The following BAIAP2 variants were observed in gnomAD, a reference collection of about 807,000 sequenced individuals.
The protein encoded by BAIAP2 is BAR/IMD domain containing adaptor protein 2.
BAIAP2 carries 18 observed loss-of-function variants against 63.0 expected under a neutral mutation model. The observed-to-expected ratio is 0.29, with a 90% CI of 0.20 to 0.42. The LOEUF (loss-of-function observed/expected upper bound fraction) is 0.42. Among genes scored for constraint, BAIAP2 ranks in the 10% least tolerant of loss-of-function variants. The pLI, the probability that BAIAP2 is intolerant of heterozygous loss-of-function variation, is 1.00. For missense variants in BAIAP2, 610 were observed against 734.3 expected (o/e 0.83, Z 1.96); for synonymous variants, 386 against 307.6 (o/e 1.25, Z -2.67).
At chr17:81,068,246 ACT>A (rs1027713148) in intron 3 of BAIAP2, among the ~76,000 whole-genome samples, 12 of 151,786 alleles carry the variant, frequency 7.9e-5, no homozygotes, top group African/African-American at 2.7e-4. Context: ...TGGCTGAGAA[ACT>A]CTCTCCCAGG....
chr17:81,056,021 G>C (rs1233371498), intron 2 of BAIAP2, among the ~76,000 whole-genome samples: 1 of 152,158 alleles, frequency 6.6e-6, no homozygotes, highest in African/African-American at 2.4e-5. Context: ...GTTGCACCTG[G>C]TTTGCTTCCC....
chr17:81,115,732 T>C (rs777056381), intron 13 of BAIAP2, 38 bp from the exon 14 acceptor site: 5 of 1,612,808 alleles, frequency 3.1e-6, no homozygotes, highest in Middle Eastern at 1.6e-4. Flanking sequence ...ACCCATGGCT[T>C]CCGCCCTAAA....
intron 3 of BAIAP2, among the ~76,000 whole-genome samples, chr17:81,077,735 C>G (rs1248563943): frequency 6.6e-6 from 1 of 152,144 alleles, no homozygotes. Flanking sequence ...CAGGTGCGAG[C>G]CAGACACCGT....
intron 6 of BAIAP2, among the ~76,000 whole-genome samples, chr17:81,089,578 T>TCTCAGGTTGGGGACA (rs11268331): frequency 1.2e-4 from 19 of 152,204 alleles, no homozygotes; most frequent in African/African-American, 4.3e-4. Context: ...AGCACCTGTT[T>TCTCAGGTTGGGGACA]CCCAACGGCT....
At chr17:81,102,946 C>T (rs1011890577) in intron 7 of BAIAP2, among the ~76,000 whole-genome samples, 1 of 152,228 alleles carries the variant, frequency 6.6e-6, no homozygotes, top group African/African-American at 2.4e-5. Context: ...CCTGTGGCTT[C>T]CTCCTCCTTT....
chr17:81,114,715 CTG>C (rs1440395141), intron 13 of BAIAP2, among the ~76,000 whole-genome samples: 2 of 152,208 alleles, frequency 1.3e-5, no homozygotes, highest in Admixed American at 1.3e-4. Flanking sequence ...TGCCTCTGCC[CTG>C]TGCCTCTTCC....
chr17:81,091,024 C>T (rs1274852288), intron 6 of BAIAP2, among the ~76,000 whole-genome samples: 2 of 152,040 alleles, frequency 1.3e-5, no homozygotes, highest in African/African-American at 2.4e-5. Flanking sequence ...TGTGCAGCCC[C>T]GCCCCTCCAG....
intron 3 of BAIAP2, among the ~76,000 whole-genome samples, chr17:81,069,735 T>C (rs1328155138): frequency 7.2e-5 from 11 of 152,180 alleles, no homozygotes; most frequent in Admixed American, 7.2e-4. Context: ...GAGCTCAGTC[T>C]GGCCAGTACG....
rs144541847 is a variant in BAIAP2 at position 81,045,834 on chromosome 17, C to T, written c.55-7834C>T. 2.3e-3 allele frequency among the ~76,000 whole-genome samples: 354 copies of T among 152,272 alleles called. 1 individual carries two copies. Among genetic ancestry groups the T allele is most frequent in the African/African-American group, 8.0e-3 (333 of 41,544 alleles). On this transcript the variant is annotated intron_variant, in intron 1 of 13. Transcript: ENST00000428708. The stretch of plus-strand genomic sequence containing the variant: ...GGAGTCTGGGTCAGCCAGGCCACGC[C>T]GAAGCTGCCCTTGGAGAAGCCTAGT...
intron 2 of BAIAP2, among the ~76,000 whole-genome samples, chr17:81,056,948 T>TGCGTTTTTCTG (rs2049689809): frequency 6.6e-6 from 1 of 152,364 alleles, no homozygotes; most frequent in Admixed American, 6.5e-5. Context: ...TTTCTTTTGT[T>TGCGTTTTTCTG]CGAGGCAGCA....
chr17:81,055,404 G>C (rs2049308384), intron 2 of BAIAP2, among the ~76,000 whole-genome samples: 1 of 151,962 alleles, frequency 6.6e-6, no homozygotes, highest in Non-Finnish European at 1.5e-5. Context: ...CCTCCTGTTT[G>C]CACCCGGCAC....
rs2058835311 is a variant in BAIAP2 at position 81,104,138 on chromosome 17, G to A, written c.1066+30G>A. 1.9e-6 allele frequency: 3 copies of A among 1,610,282 alleles called. No homozygotes were observed. The African/African-American group carries it at 4.0e-5, about 21-fold the overall frequency. ...GGGCTCCGCTGGGGTGTTGGGCTGG[G>A]GTCCCTGGACGTGCCTCCTCAGACC... On this transcript the variant is annotated intron_variant, in intron 9 of 13. Coordinates refer to ENST00000428708, the MANE Select transcript of BAIAP2 (RefSeq NM_001144888.2).
chr17:81,074,468 A>G lies in BAIAP2; in HGVS notation c.218-10364A>G, dbSNP rs187583173. On this transcript the variant is annotated intron_variant, in intron 3 of 13. Transcript: ENST00000428708. ...TACATGTGAGTGCCAGTGTGTGTGC[A>G]TGCACGGATACATGTGAATGCCTGT... Among the ~76,000 whole-genome samples, 543 of 149,224 alleles carry G rather than the reference A, an allele frequency of 3.6e-3. 9 individuals carry two copies. In the South Asian group the frequency reaches 0.041, roughly 11 times the overall value.
At chr17:81,070,783 G>A (rs998449373) in intron 3 of BAIAP2, among the ~76,000 whole-genome samples, 2 of 152,212 alleles carry the variant, frequency 1.3e-5, no homozygotes, top group Non-Finnish European at 2.9e-5. Flanking sequence ...CCGTCTGCCT[G>A]GGACGCTGGG....
chr17:81,114,693 A>C (rs1306792838), intron 13 of BAIAP2, among the ~76,000 whole-genome samples: 2 of 152,216 alleles, frequency 1.3e-5, no homozygotes, highest in Admixed American at 1.3e-4. Flanking sequence ...TCCTCAGGAA[A>C]GCTTAGGGAG....
intron 13 of BAIAP2, among the ~76,000 whole-genome samples, chr17:81,113,237 G>A (rs972118848): frequency 6.6e-6 from 1 of 152,160 alleles, no homozygotes; most frequent in Non-Finnish European, 1.5e-5. Context: ...AGGGTCCTCC[G>A]CTCTTGGACA....
At chr17:81,091,195 C>T (rs1171135283) in intron 6 of BAIAP2, among the ~76,000 whole-genome samples, 1 of 145,804 alleles carries the variant, frequency 6.9e-6, no homozygotes, top group African/African-American at 2.6e-5. Context: ...GGCCCCACCC[C>T]ACCCCACCCC....
chr17:81,041,437 T>C (rs1288320786), intron 1 of BAIAP2, among the ~76,000 whole-genome samples: 1 of 152,210 alleles, frequency 6.6e-6, no homozygotes, highest in African/African-American at 2.4e-5. Flanking sequence ...GGACCCCTTG[T>C]TGGGGGAAAG....
chr17:81,105,949 C>G, intron 10 of BAIAP2, 129 bp from the exon 11 acceptor site: 1 of 752,198 alleles, frequency 1.3e-6, no homozygotes, highest in Non-Finnish European at 2.2e-6. Context: ...GGAGCACTGT[C>G]TCTGTTGCTC....
Sources: gnomAD v4.1 joint callset for allele counts (sites outside exome capture counted in the v4.1 genomes callset) on GRCh38, gnomAD v4.1.1 for gene constraint, MANE v1.5 for transcripts, NCBI Gene and HGNC (gene_info 2026-07-23, HGNC 2026-07-21) for gene names.